The following DAPK1 variants were observed in gnomAD, a reference collection of about 807,000 sequenced individuals.
DAPK1 encodes death-associated protein kinase 1.
In DAPK1, 56 loss-of-function variants were observed where a neutral mutation model predicts 144.9. The observed-to-expected ratio is 0.39, with a 90% confidence interval of 0.31 to 0.48. DAPK1 has a LOEUF of 0.48. Ranked by LOEUF, DAPK1 falls within the 20% of genes least tolerant of loss-of-function variation. DAPK1 has a pLI of 0.95. For synonymous variants in DAPK1, 690 were observed against 749.0 expected (o/e 0.92, Z 1.29); for missense variants, 1,454 against 1,875.4 (o/e 0.78, Z 4.15).
At position 87,571,473 on chromosome 9, in the gene DAPK1, A is replaced by ACACACACACACACACC. The variant is rs377253457; in HGVS notation, c.63-33480_63-33479insACACACACACACACCC. On this transcript the variant is annotated intron_variant, in intron 2 of 25. Transcript: ENST00000408954. ...CACACACACACACACACACACACAC[A>ACACACACACACACACC]CCAACACACACACACACACACCCCA... 3.6e-4 allele frequency among the ~76,000 whole-genome samples: 21 copies of ACACACACACACACACC among 57,646 alleles called. 4 individuals carry two copies. The highest frequency in any genetic ancestry group is 8.8e-4 in the South Asian group (1 of 1,142). 37.8% of individuals were successfully genotyped at this position (57,646 alleles called of 152,430 possible).
intron 2 of DAPK1, among the ~76,000 whole-genome samples, chr9:87,561,890 C>G (rs1481999710): frequency 1.3e-5 from 2 of 152,118 alleles, no homozygotes; most frequent in Non-Finnish European, 2.9e-5. Flanking sequence ...CCACCATGCC[C>G]AGGGTTCAAG....
intron 18 of DAPK1, among the ~76,000 whole-genome samples, chr9:87,659,824 C>T (rs371420013): frequency 3.3e-4 from 49 of 147,462 alleles, no homozygotes; most frequent in African/African-American, 1.2e-3. Flanking sequence ...CTGCACACAC[C>T]GCACCCGCAG....
At chr9:87,498,611 T>C in intron 1 of DAPK1, 1 of 306,252 alleles carries the variant, frequency 3.3e-6, no homozygotes, top group East Asian at 5.2e-5. Context: ...GGGCGAGGGC[T>C]TCATTCTTCC....
In DAPK1 at chr9:87,569,313, A is replaced by T. The variant is rs36203096; in HGVS notation, c.63-35641A>T. Among the ~76,000 whole-genome samples the T allele has an allele frequency of 5.4e-3, 820 of 152,320 alleles. 6 individuals are homozygous for T. The highest frequency in any genetic ancestry group is 0.018 in the African/African-American group (766 of 41,576). ...AGCACCCAGGAGCTCTTTAAAATGC[A>T]GGTTGCTGGGCTTTGCCCCATGGAC... is the stretch of plus-strand genomic sequence containing the variant. On this transcript the variant is annotated intron_variant, in intron 2 of 25. Transcript: ENST00000408954.
intron 10 of DAPK1, among the ~76,000 whole-genome samples, 183 bp from the exon 11 acceptor site, chr9:87,643,193 C>A (rs1382810621): frequency 6.6e-6 from 1 of 152,070 alleles, no homozygotes; most frequent in Non-Finnish European, 1.5e-5. Flanking sequence ...TAAGCAAATA[C>A]AACCCATTCT....
At chr9:87,657,035 A>G (rs145578052) in intron 17 of DAPK1, among the ~76,000 whole-genome samples, 178 of 152,328 alleles carry the variant, frequency 1.2e-3, no homozygotes, top group African/African-American at 4.1e-3. Flanking sequence ...CTGATATTTA[A>G]AAATACATAG....
At chr9:87,642,734 G>A (rs1019621343) in intron 10 of DAPK1, among the ~76,000 whole-genome samples, 2 of 152,172 alleles carry the variant, frequency 1.3e-5, no homozygotes, top group Admixed American at 1.3e-4. Context: ...CCAATTTTGG[G>A]GTGCCGTGGT....
At chr9:87,515,395 T>C in intron 2 of DAPK1, among the ~76,000 whole-genome samples, 1 of 152,166 alleles carries the variant, frequency 6.6e-6, no homozygotes, top group South Asian at 2.1e-4. Flanking sequence ...CTTAAAGAGA[T>C]TAAATAATTT....
At chr9:87,596,599 G>GT (rs1828328065) in intron 2 of DAPK1, among the ~76,000 whole-genome samples, 1 of 152,170 alleles carries the variant, frequency 6.6e-6, no homozygotes, top group Admixed American at 6.5e-5. Context: ...GAGAGGGCCC[G>GT]TTTTTCTGAG....
intron 19 of DAPK1, 66 bp from the exon 20 acceptor site, chr9:87,681,338 G>C (rs1200022173): frequency 2.4e-6 from 2 of 849,114 alleles, no homozygotes; most frequent in Non-Finnish European, 4.0e-6. Context: ...CGGGGATTAG[G>C]AATCTTGAGA....
At chr9:87,693,846 G>T (rs1278090656) in intron 21 of DAPK1, among the ~76,000 whole-genome samples, 1 of 152,088 alleles carries the variant, frequency 6.6e-6, no homozygotes, top group Non-Finnish European at 1.5e-5. Context: ...CTCCAGTGGT[G>T]CCTGTAATTT....
At chr9:87,503,929 C>T (rs947465926) in intron 2 of DAPK1, among the ~76,000 whole-genome samples, 4 of 152,130 alleles carry the variant, frequency 2.6e-5, no homozygotes, top group African/African-American at 4.8e-5. Flanking sequence ...ATTCCCCTTT[C>T]GGCATAAAAT....
At chr9:87,640,696 T>C (rs191513260) in intron 8 of DAPK1, 106 bp from the exon 9 acceptor site, 1 of 1,271,808 alleles carries the variant, frequency 7.9e-7, no homozygotes, top group East Asian at 2.3e-5. Flanking sequence ...TTCCCTGAAC[T>C]GCATTTTCCA....
At chr9:87,523,243 A>G (rs1017145579) in intron 2 of DAPK1, among the ~76,000 whole-genome samples, 1 of 152,202 alleles carries the variant, frequency 6.6e-6, no homozygotes, top group Non-Finnish European at 1.5e-5. Context: ...GGATTTATCA[A>G]ATTCGTTTAA....
Position 87,703,160 on chromosome 9 carries a change from CCTGG to C in DAPK1, c.3005_3008del (p.Leu1002ProfsTer93). On this transcript the variant is annotated frameshift_variant, in exon 25 of 26. Coordinates refer to ENST00000408954, the MANE Select transcript of DAPK1 (RefSeq NM_004938.4). LOFTEE classifies it high-confidence loss of function. ...ACGACGTGCAGGACCAGCTGAACCC[CCTGG>C]CCAGCGAGGAGGACCTCAGGCGCAT... is the stretch of plus-strand genomic sequence containing the variant. 1.2e-6 allele frequency: 2 copies of C among 1,612,748 alleles called. No homozygotes were observed.
intron 14 of DAPK1, 30 bp downstream of exon 14, chr9:87,647,433 A>G (rs1326296645): frequency 6.3e-7 from 1 of 1,586,028 alleles, no homozygotes; most frequent in South Asian, 1.1e-5. Context: ...GAGGAACATG[A>G]GGTGGTAGTA....
chr9:87,538,953 T>TATA (rs1285972020), intron 2 of DAPK1, among the ~76,000 whole-genome samples: 3 of 150,664 alleles, frequency 2.0e-5, no homozygotes, highest in Non-Finnish European at 3.0e-5. Flanking sequence ...CCACTGGATT[T>TATA]TATATATTTA....
intron 2 of DAPK1, among the ~76,000 whole-genome samples, chr9:87,539,233 C>T (rs547916023): frequency 3.8e-4 from 58 of 151,832 alleles, no homozygotes; most frequent in African/African-American, 1.3e-3. Flanking sequence ...TATATTAAAG[C>T]AATTACTGAA....
rs1320716441 is a variant in DAPK1, at chr9:87,686,010, A to G, written c.2225-541A>G. 6.6e-6 allele frequency among the ~76,000 whole-genome samples: 1 copy of G among 152,216 alleles called. No homozygotes were observed. Among genetic ancestry groups the G allele is most frequent in the Non-Finnish European group, 1.5e-5 (1 of 68,044 alleles). On this transcript the variant is annotated intron_variant, in intron 20 of 25. Transcript: ENST00000408954. This position sits in a 1 kb window ranked among gnomAD's most constrained non-coding sequence, Gnocchi z 4.2. ...GAACAACTGAAAGGCCTTCAAGGGA[A>G]TTTCAAAAAGGAGTAGCTTTCACAG...
Sources: gnomAD v4.1 joint callset for allele counts (sites outside exome capture counted in the v4.1 genomes callset) on GRCh38, gnomAD v4.1.1 for gene constraint, Gnocchi (gnomAD v3.1) non-coding constraint, MANE v1.5 for transcripts, NCBI Gene and HGNC (gene_info 2026-07-23, HGNC 2026-07-21) for gene names.